The following CLASP2 variants were observed in gnomAD, a reference collection of about 807,000 sequenced individuals.
CLASP2 encodes CLIP-associating protein 2.
CLASP2 carries 47 observed loss-of-function variants against 194.4 expected under a neutral mutation model. That is an observed-to-expected ratio of 0.24 (90% CI 0.19 to 0.31). The LOEUF (loss-of-function observed/expected upper bound fraction) is 0.31. CLASP2 is among the 10% of genes least tolerant of loss of function. CLASP2 has a pLI of 1.00. For missense variants in CLASP2, 1,445 were observed against 1,823.6 expected (o/e 0.79, Z 3.78); for synonymous variants, 619 against 633.5 (o/e 0.98, Z 0.34).
intron 33 of CLASP2, among the ~76,000 whole-genome samples, chr3:33,537,217 T>A (rs978157630): frequency 6.6e-6 from 1 of 152,080 alleles, no homozygotes; most frequent in Non-Finnish European, 1.5e-5. Context: ...TGAGTCTCAA[T>A]GAAGCAGTGA....
chr3:33,687,621 G>A (rs990464748), intron 4 of CLASP2, among the ~76,000 whole-genome samples: 1 of 152,142 alleles, frequency 6.6e-6, no homozygotes, highest in Non-Finnish European at 1.5e-5. Context: ...GGGCAGAAAG[G>A]ACTATAAAGT....
chr3:33,567,128 A>C (rs578221253), intron 26 of CLASP2, among the ~76,000 whole-genome samples: 10 of 152,262 alleles, frequency 6.6e-5, no homozygotes, highest in Admixed American at 1.3e-4. Flanking sequence ...AGTCCATAGA[A>C]TTTTTTCCTT....
At chr3:33,584,963 A>G (rs745475229) in intron 21 of CLASP2, 43 bp from the exon 22 acceptor site, 1 of 1,524,528 alleles carries the variant, frequency 6.6e-7, no homozygotes, top group South Asian at 1.3e-5. Flanking sequence ...TGTAAATGCC[A>G]AGAGAATTTG....
intron 10 of CLASP2, among the ~76,000 whole-genome samples, chr3:33,626,012 T>C (rs996592030): frequency 9.9e-5 from 15 of 152,144 alleles, no homozygotes; most frequent in African/African-American, 3.6e-4. Flanking sequence ...TAATCTGTCA[T>C]GTTTCTCTAC....
At chr3:33,676,873 C>G (rs2088765659) in intron 6 of CLASP2, among the ~76,000 whole-genome samples, 2 of 152,090 alleles carry the variant, frequency 1.3e-5, no homozygotes, top group Non-Finnish European at 2.9e-5. Context: ...AACAAACAAC[C>G]CCATCAAAAA....
At chr3:33,705,694 T>C (rs1431110636) in intron 1 of CLASP2, among the ~76,000 whole-genome samples, 1 of 152,038 alleles carries the variant, frequency 6.6e-6, no homozygotes, top group African/African-American at 2.4e-5. Context: ...ACAAGTAAAA[T>C]TATGAAAAGA....
At chr3:33,589,201 A>C (rs2068092486) in intron 21 of CLASP2, among the ~76,000 whole-genome samples, 2 of 152,120 alleles carry the variant, frequency 1.3e-5, no homozygotes, top group Admixed American at 6.5e-5. Flanking sequence ...AGAGGAGACA[A>C]AGTTTCTGAC....
intron 2 of CLASP2, among the ~76,000 whole-genome samples, chr3:33,694,928 G>A (rs2091714284): frequency 2.6e-5 from 4 of 151,686 alleles, no homozygotes; most frequent in South Asian, 2.1e-4. Flanking sequence ...GGGTGACAGA[G>A]CAAGATCCCA....
intron 30 of CLASP2, among the ~76,000 whole-genome samples, chr3:33,545,610 G>A (rs2059035561): frequency 1.3e-5 from 2 of 152,158 alleles, no homozygotes; most frequent in African/African-American, 4.8e-5. Context: ...ATACACTGCT[G>A]AAGAAAAACT....
chr3:33,560,462 C>T (rs753169650), intron 28 of CLASP2, among the ~76,000 whole-genome samples: 1 of 152,018 alleles, frequency 6.6e-6, no homozygotes, highest in Non-Finnish European at 1.5e-5. Flanking sequence ...AGGCTGGTCT[C>T]GAACTCCTGA....
At chr3:33,581,421 T>C (rs2066116491) in intron 23 of CLASP2, among the ~76,000 whole-genome samples, 1 of 152,206 alleles carries the variant, frequency 6.6e-6, no homozygotes, top group South Asian at 2.1e-4. Flanking sequence ...AGTTAAATGA[T>C]CTAAGCTGAA....
At chr3:33,644,930 T>C in intron 7 of CLASP2, 27 bp from the exon 8 acceptor site, 1 of 1,565,462 alleles carries the variant, frequency 6.4e-7, no homozygotes, top group Non-Finnish European at 8.7e-7. Flanking sequence ...AAAAATGTAT[T>C]TAAGAGAACT....
chr3:33,499,482 T>C (rs2046342647), intron 38 of CLASP2, among the ~76,000 whole-genome samples: 1 of 151,764 alleles, frequency 6.6e-6, no homozygotes, highest in African/African-American at 2.4e-5. Flanking sequence ...CCCAAGTAGC[T>C]GGGACTACAG....
At chr3:33,673,918 T>G (rs547819890) in intron 6 of CLASP2, among the ~76,000 whole-genome samples, 1 of 152,102 alleles carries the variant, frequency 6.6e-6, no homozygotes, top group Non-Finnish European at 1.5e-5. Context: ...ATGCACCCAA[T>G]ACAGGAGCAC....
chr3:33,553,147 GA>G (rs2060324795), intron 29 of CLASP2, among the ~76,000 whole-genome samples: 1 of 152,118 alleles, frequency 6.6e-6, no homozygotes, highest in South Asian at 2.1e-4. Flanking sequence ...TCACTCAGGT[GA>G]AATAAGGTCT....
chr3:33,680,853 G>A (rs1448857135), intron 6 of CLASP2, among the ~76,000 whole-genome samples: 1 of 151,796 alleles, frequency 6.6e-6, no homozygotes, highest in Admixed American at 6.6e-5. Flanking sequence ...AAAGCTAGGT[G>A]CAGTGGCTCA....
intron 21 of CLASP2, among the ~76,000 whole-genome samples, chr3:33,591,601 A>AC (rs1297662637): frequency 1.3e-5 from 2 of 152,178 alleles, no homozygotes; most frequent in Non-Finnish European, 2.9e-5. Context: ...ACAGAGTAAG[A>AC]CCCCATCTCT....
chr3:33,666,819 C>A lies in CLASP2; in HGVS notation c.645-3304G>T, dbSNP rs72858352. On this transcript the variant is annotated intron_variant, in intron 6 of 38. Transcript: ENST00000682230. Reference sequence around the variant, plus strand: ...AAGTTGCTGCACCATTTTACATTCCCAATGGCAATGTATGAGGGTTCCAAT... The same window carrying A: ...AAGTTGCTGCACCATTTTACATTCCAAATGGCAATGTATGAGGGTTCCAAT... Among the ~76,000 whole-genome samples, 1,406 of 152,240 alleles carry A rather than the reference C, an allele frequency of 9.2e-3. 21 individuals carry two copies. Among genetic ancestry groups the A allele is most frequent in the African/African-American group, 0.032 (1,342 of 41,522 alleles).
chr3:33,535,670 A>C (rs2057190966), intron 33 of CLASP2, among the ~76,000 whole-genome samples: 1 of 152,232 alleles, frequency 6.6e-6, no homozygotes, highest in South Asian at 2.1e-4. Flanking sequence ...TACAGCTGTG[A>C]AGGCAAATAA....
Sources: allele counts gnomAD v4.1 joint callset (sites outside exome capture counted in the v4.1 genomes callset), GRCh38; gene constraint gnomAD v4.1.1; transcripts MANE v1.5; gene names NCBI Gene and HGNC (gene_info 2026-07-23, HGNC 2026-07-21).